ANKS1B: variants seen among roughly 807,000 people sequenced by gnomAD.
ANKS1B encodes ankyrin repeat and sterile alpha motif domain containing 1B.
In ANKS1B, 36 loss-of-function variants were observed where a neutral mutation model predicts 148.3. The observed-to-expected ratio is 0.24, with a 90% CI of 0.19 to 0.32. The LOEUF (loss-of-function observed/expected upper bound fraction) is 0.32, where lower values mean the gene tolerates loss of function less well. ANKS1B is among the 10% of genes least tolerant of loss of function. ANKS1B has a pLI of 1.00. For missense variants in ANKS1B, 1,157 were observed against 1,542.6 expected (o/e 0.75, Z 4.19); for synonymous variants, 542 against 560.8 (o/e 0.97, Z 0.47).
In ANKS1B at chr12:99,102,807, G is replaced by C. The variant is rs78225404; in HGVS notation, c.2527-17784C>G. 3.2e-3 allele frequency among the ~76,000 whole-genome samples: 492 copies of C among 152,194 alleles called. 2 individuals are homozygous for C. The highest frequency in any genetic ancestry group is 0.011 in the African/African-American group (456 of 41,542). On this transcript the variant is annotated intron_variant, in intron 15 of 26. Coordinates refer to ENST00000683438, the MANE Select transcript of ANKS1B (RefSeq NM_001352186.2). ...TGGGCATGGTGGTTCACACTGTAGT[G>C]GTGGCCACCTGGGAGGCTGAGATGG...
intron 12 of ANKS1B, among the ~76,000 whole-genome samples, chr12:99,312,237 C>T (rs112571343): frequency 1.9e-3 from 294 of 152,180 alleles, no homozygotes; most frequent in Middle Eastern, 6.8e-3. Flanking sequence ...GAAATGATGT[C>T]GGAAGTGCTG....
At chr12:99,404,890 T>G (rs2094496049) in intron 11 of ANKS1B, among the ~76,000 whole-genome samples, 1 of 145,772 alleles carries the variant, frequency 6.9e-6, no homozygotes, top group African/African-American at 2.6e-5. Flanking sequence ...AAACAAAGGA[T>G]TATAAATGCA....
At chr12:99,326,369 A>G (rs1203619455) in intron 12 of ANKS1B, among the ~76,000 whole-genome samples, 1 of 152,046 alleles carries the variant, frequency 6.6e-6, no homozygotes, top group East Asian at 1.9e-4. Flanking sequence ...AATGCCCAGA[A>G]GCTTCACCAG....
chr12:99,155,373 T>C (rs2075902179), intron 14 of ANKS1B, among the ~76,000 whole-genome samples: 1 of 152,178 alleles, frequency 6.6e-6, no homozygotes, highest in Non-Finnish European at 1.5e-5. Context: ...ATACAGAAAC[T>C]GCATCGCAAT....
chr12:99,091,503 T>C (rs1190438736), intron 15 of ANKS1B, among the ~76,000 whole-genome samples: 2 of 152,204 alleles, frequency 1.3e-5, no homozygotes, highest in African/African-American at 4.8e-5. Context: ...CTGCCTTTGG[T>C]CAAAAATTTT....
chr12:98,931,200 C>A (rs1300871626), intron 17 of ANKS1B, among the ~76,000 whole-genome samples: 1 of 152,072 alleles, frequency 6.6e-6, no homozygotes, highest in Admixed American at 6.6e-5. Flanking sequence ...GTTTAATATC[C>A]CCTGCTACAC....
chr12:98,796,547 A>T (rs1196101500), intron 22 of ANKS1B, among the ~76,000 whole-genome samples: 1 of 152,210 alleles, frequency 6.6e-6, no homozygotes, highest in East Asian at 1.9e-4. Context: ...TTCACAATAG[A>T]ATAGTTCCAG....
intron 17 of ANKS1B, among the ~76,000 whole-genome samples, chr12:99,052,136 T>C (rs1338742894): frequency 6.6e-6 from 1 of 152,278 alleles, no homozygotes; most frequent in Non-Finnish European, 1.5e-5. Flanking sequence ...ATGACCATTT[T>C]ATGTTACATT....
chr12:99,206,272 C>T (rs1453598489), intron 14 of ANKS1B, among the ~76,000 whole-genome samples: 1 of 152,182 alleles, frequency 6.6e-6, no homozygotes, highest in East Asian at 1.9e-4. Flanking sequence ...CTTTCAGCCA[C>T]ACTTGCCTTT....
At position 99,946,555 on chromosome 12, in the gene ANKS1B, C is replaced by T. The variant is rs565387206; in HGVS notation, c.134+37549G>A. On this transcript the variant is annotated intron_variant, in intron 1 of 26. Transcript: ENST00000683438. ...TAAACCTAATTATATCTCAAAGGCCCCATCCCCAAATACCATCACATTGGG... is the reference window on the plus strand; with the variant it reads ...TAAACCTAATTATATCTCAAAGGCCTCATCCCCAAATACCATCACATTGGG... 1.8e-4 allele frequency among the ~76,000 whole-genome samples: 28 copies of T among 152,230 alleles called. No homozygotes were observed. The South Asian group carries it at 5.8e-3, about 32-fold the overall frequency.
downstream of ANKS1B, among the ~76,000 whole-genome samples, chr12:98,739,016 C>CATTA (rs1565913603): frequency 6.6e-6 from 1 of 152,188 alleles, no homozygotes. Flanking sequence ...ATTTTCCATA[C>CATTA]GTTATTTAAC....
chr12:99,327,963 C>T (rs1043724445), intron 12 of ANKS1B, among the ~76,000 whole-genome samples: 2 of 151,798 alleles, frequency 1.3e-5, no homozygotes, highest in Non-Finnish European at 2.9e-5. Flanking sequence ...GAGGCTCCTC[C>T]TGATACTCTA....
intron 11 of ANKS1B, among the ~76,000 whole-genome samples, chr12:99,442,374 G>A (rs1163373927): frequency 6.6e-6 from 1 of 151,740 alleles, no homozygotes; most frequent in Non-Finnish European, 1.5e-5. Flanking sequence ...ACATATTGGG[G>A]CACTATGTCA....
intron 8 of ANKS1B, among the ~76,000 whole-genome samples, chr12:99,737,397 C>T (rs2059710178): frequency 6.6e-6 from 1 of 152,094 alleles, no homozygotes; most frequent in African/African-American, 2.4e-5. Context: ...ATGGATGGAA[C>T]TAGAAATCCT....
At chr12:99,879,178 G>C (rs1486720578) in intron 1 of ANKS1B, among the ~76,000 whole-genome samples, 4 of 152,146 alleles carry the variant, frequency 2.6e-5, no homozygotes, top group African/African-American at 9.7e-5. Flanking sequence ...TATCTACAGA[G>C]TTTTTCTCTG....
At position 99,724,784 on chromosome 12, in the gene ANKS1B, G is replaced by A. The variant is rs1434477828; in HGVS notation, c.1128+48138C>T. ...AAGACCAGGTCACCCACAAAGGGAA[G>A]CCCATCAGACTAACAGCAGACCTCT... On this transcript the variant is annotated intron_variant, in intron 8 of 26. Transcript: ENST00000683438. Among the ~76,000 whole-genome samples the A allele has an allele frequency of 2.6e-5, 4 of 152,300 alleles. No homozygotes were observed. The East Asian group carries it at 7.7e-4, about 29-fold the overall frequency.
intron 8 of ANKS1B, among the ~76,000 whole-genome samples, chr12:99,670,744 T>A (rs373689232): frequency 6.6e-6 from 1 of 152,026 alleles, no homozygotes; most frequent in Non-Finnish European, 1.5e-5. Context: ...TCACAGAGTG[T>A]TTGCATTTGA....
chr12:99,688,339 C>T (rs992453509), intron 8 of ANKS1B, among the ~76,000 whole-genome samples: 2 of 152,210 alleles, frequency 1.3e-5, no homozygotes, highest in African/African-American at 4.8e-5. Flanking sequence ...CCTTCAAACA[C>T]ATAGGTGGGT....
chr12:99,352,609 A>G (rs569942691), intron 12 of ANKS1B, among the ~76,000 whole-genome samples: 3 of 152,186 alleles, frequency 2.0e-5, no homozygotes, highest in African/African-American at 7.2e-5. Context: ...TGTTGCATAC[A>G]ATACAAAAAG....
Sources: allele counts gnomAD v4.1 joint callset (sites outside exome capture counted in the v4.1 genomes callset), GRCh38; gene constraint gnomAD v4.1.1; transcripts MANE v1.5; gene names NCBI Gene and HGNC (gene_info 2026-07-23, HGNC 2026-07-21).